ERICH1: variants seen among roughly 807,000 people sequenced by gnomAD.
ERICH1 encodes the protein glutamate rich 1.
Under a neutral mutation model 39.6 loss-of-function variants are expected in ERICH1, and 56 were observed. The ratio of observed to expected loss-of-function variants is 1.41; its 90% CI spans 1.14 to 1.77. The LOEUF is 1.77. ERICH1 is among the 40% of genes most tolerant of loss of function. ERICH1 has a pLI of 0.00. For missense variants in ERICH1, 826 were observed against 575.4 expected (o/e 1.44, Z -4.45); for synonymous variants, 313 against 223.6 (o/e 1.40, Z -3.57).
chr8:621,971 T>C (rs1247505514), intron 3 of ERICH1, among the ~76,000 whole-genome samples: 2 of 152,296 alleles, frequency 1.3e-5, no homozygotes, highest in Admixed American at 1.3e-4. Context: ...TCCCAGCACG[T>C]TGGGAGGCCA....
intron 3 of ERICH1, among the ~76,000 whole-genome samples, chr8:622,376 G>C (rs1196357039): frequency 6.6e-6 from 1 of 152,138 alleles, no homozygotes; most frequent in African/African-American, 2.4e-5. Flanking sequence ...CTGTGAAAAT[G>C]AATAGGATTA....
At chr8:628,230 C>T (rs1043539682) in intron 3 of ERICH1, among the ~76,000 whole-genome samples, 9 of 152,202 alleles carry the variant, frequency 5.9e-5, no homozygotes, top group African/African-American at 1.9e-4. Flanking sequence ...CTAGCCAGGG[C>T]CCCAGGCAGG....
At chr8:617,946 T>G (rs1226239284) in intron 3 of ERICH1, among the ~76,000 whole-genome samples, 2 of 115,144 alleles carry the variant, frequency 1.7e-5, no homozygotes, top group African/African-American at 3.5e-5. Flanking sequence ...CTTGGTCCAT[T>G]CTCACTGCCC....
intron 3 of ERICH1, among the ~76,000 whole-genome samples, chr8:678,410 G>C (rs987553620): frequency 6.6e-6 from 1 of 152,170 alleles, no homozygotes; most frequent in Non-Finnish European, 1.5e-5. Flanking sequence ...CCTGAGAAAA[G>C]TACAATTTAG....
chr8:692,215 TAACA>T (rs1809054586), intron 3 of ERICH1, among the ~76,000 whole-genome samples: 1 of 152,192 alleles, frequency 6.6e-6, no homozygotes, highest in Non-Finnish European at 1.5e-5. Context: ...CCTAAAGCAT[TAACA>T]AACATGGGCT....
In ERICH1 at chr8:719,832, G is replaced by A. The variant is rs540747802; in HGVS notation, c.23-3825C>T. Among the ~76,000 whole-genome samples, 15 of 152,284 alleles carry A rather than the reference G, an allele frequency of 9.9e-5. 1 individual carries two copies. In the South Asian group the frequency reaches 2.7e-3, roughly 27 times the overall value. On this transcript the variant is annotated intron_variant, in intron 1 of 5. Coordinates refer to ENST00000262109, the MANE Select transcript of ERICH1 (RefSeq NM_207332.3). ...CAAGGACCATCACCCTGTACTGTCC[G>A]GATATACTTTGTTGCTCAAATAGTC...
chr8:687,058 C>T (rs1344252739), intron 3 of ERICH1, among the ~76,000 whole-genome samples: 1 of 152,216 alleles, frequency 6.6e-6, no homozygotes, highest in African/African-American at 2.4e-5. Flanking sequence ...TCTGTCAAAA[C>T]AGAGCATGTA....
chr8:709,260 C>G (rs1168980966), intron 2 of ERICH1, among the ~76,000 whole-genome samples: 3 of 152,200 alleles, frequency 2.0e-5, no homozygotes, highest in Non-Finnish European at 4.4e-5. Context: ...ATTGTCCAAG[C>G]AACTGACCCA....
intron 3 of ERICH1, among the ~76,000 whole-genome samples, chr8:635,197 G>A (rs573715351): frequency 6.6e-6 from 1 of 152,286 alleles, no homozygotes; most frequent in African/African-American, 2.4e-5. Flanking sequence ...ACCCCCCGAG[G>A]ACAGGCCCCT....
At chr8:654,771 C>G (rs1372994228) in intron 3 of ERICH1, among the ~76,000 whole-genome samples, 1 of 152,036 alleles carries the variant, frequency 6.6e-6, no homozygotes, top group African/African-American at 2.4e-5. Flanking sequence ...GTCCCCGTTG[C>G]TGGGAGGGGC....
chr8:727,884 G>T (rs1819139931), intron 1 of ERICH1, among the ~76,000 whole-genome samples: 1 of 152,204 alleles, frequency 6.6e-6, no homozygotes, highest in Non-Finnish European at 1.5e-5. Flanking sequence ...AATGCAGGGG[G>T]CACTGTGGGG....
At chr8:697,441 G>A (rs890743522) in intron 2 of ERICH1, among the ~76,000 whole-genome samples, 4 of 152,200 alleles carry the variant, frequency 2.6e-5, no homozygotes, top group African/African-American at 4.8e-5. Context: ...CCTGCTGCAT[G>A]CCCACACCTC....
At chr8:730,895 C>G (rs148343123) in intron 1 of ERICH1, among the ~76,000 whole-genome samples, 3 of 152,204 alleles carry the variant, frequency 2.0e-5, no homozygotes, top group African/African-American at 7.2e-5. Context: ...ACCCCAGACA[C>G]CAGGTGGGGC....
intron 4 of ERICH1, among the ~76,000 whole-genome samples, chr8:672,861 C>A (rs1433928664): frequency 6.6e-6 from 1 of 152,242 alleles, no homozygotes; most frequent in Non-Finnish European, 1.5e-5. Context: ...GCTGTGTTTC[C>A]TTCACCTCTC....
chr8:684,888 G>A (rs1011417778), intron 3 of ERICH1, among the ~76,000 whole-genome samples: 13 of 152,100 alleles, frequency 8.5e-5, no homozygotes, highest in Admixed American at 2.0e-4. Context: ...CATGCTTCAC[G>A]GGCAATAAAA....
At chr8:654,871 C>T (rs1233275955) in intron 3 of ERICH1, among the ~76,000 whole-genome samples, 2 of 152,182 alleles carry the variant, frequency 1.3e-5, no homozygotes, top group African/African-American at 4.8e-5. Context: ...GTCCCCCCAG[C>T]AGGAACCTGA....
At chr8:636,162 C>T (rs1037084362) in intron 3 of ERICH1, among the ~76,000 whole-genome samples, 7 of 152,216 alleles carry the variant, frequency 4.6e-5, no homozygotes, top group Non-Finnish European at 1.0e-4. Flanking sequence ...TGAATCCCTG[C>T]GCCCCGGCCA....
chr8:705,882 C>T (rs1272992675), intron 2 of ERICH1, among the ~76,000 whole-genome samples: 1 of 152,082 alleles, frequency 6.6e-6, no homozygotes, highest in Non-Finnish European at 1.5e-5. Context: ...TAATGCGGAC[C>T]CTGAAGATGG....
rs76698806 is a variant in ERICH1 at position 697,176 on chromosome 8, G to C, written c.170-4564C>G. Reference sequence around the variant, plus strand: ...GAAATGAATCCAGCAGCGAACTCTCGTGGCCTCTTGCTTTTCACCCATGGC... The same window carrying C: ...GAAATGAATCCAGCAGCGAACTCTCCTGGCCTCTTGCTTTTCACCCATGGC... On this transcript the variant is annotated intron_variant, in intron 2 of 5. Coordinates refer to ENST00000262109, the MANE Select transcript of ERICH1 (RefSeq NM_207332.3). Among the ~76,000 whole-genome samples, 47 of 152,200 alleles carry C rather than the reference G, an allele frequency of 3.1e-4. 2 individuals are homozygous for C. In the East Asian group the frequency reaches 7.9e-3, roughly 26 times the overall value.
Sources: gnomAD v4.1 joint callset for allele counts (sites outside exome capture counted in the v4.1 genomes callset) on GRCh38, gnomAD v4.1.1 for gene constraint, MANE v1.5 for transcripts, NCBI Gene and HGNC (gene_info 2026-07-23, HGNC 2026-07-21) for gene names.